Variants in DMC1 observed in about 807,000 individuals in gnomAD.
DMC1 encodes the protein DNA meiotic recombinase 1.
DMC1 carries 27 observed loss-of-function variants against 50.1 expected under a neutral mutation model. That is an observed-to-expected ratio of 0.54 (90% CI 0.40 to 0.74). The LOEUF is 0.74. DMC1 is among the 30% of genes least tolerant of loss of function. The pLI is 0.00. For synonymous variants in DMC1, 148 were observed against 136.1 expected, an observed-to-expected ratio of 1.09 and a Z score of -0.61; for missense variants, 295 against 420.2, an observed-to-expected ratio of 0.70 and a Z score of 2.60.
intron 7 of DMC1, 43 bp from the exon 8 acceptor site, chr22:38,550,040 C>A: frequency 7.1e-7 from 1 of 1,400,890 alleles, no homozygotes; most frequent in Non-Finnish European, 1.0e-6. Context: ...AGTGAATAAA[C>A]TTTGTACACA....
chr22:38,536,190 T>G (rs1376182149), intron 12 of DMC1, among the ~76,000 whole-genome samples: 2 of 151,700 alleles, frequency 1.3e-5, no homozygotes, highest in African/African-American at 4.8e-5. Context: ...CATTGCAGCT[T>G]GGGTGACAGA....
At chr22:38,553,446 C>T (rs62228936) in intron 6 of DMC1, among the ~76,000 whole-genome samples, 6,641 of 144,038 alleles carry the variant, frequency 0.046, 264 homozygotes, top group East Asian at 0.11. Flanking sequence ...TGCAGTGAGC[C>T]GAGATCGCGC....
At chr22:38,568,451 TTGTGTGTGTGTG>T in intron 1 of DMC1, 162 bp from the exon 2 acceptor site, 1 of 591,432 alleles carries the variant, frequency 1.7e-6, no homozygotes, top group Non-Finnish European at 3.0e-6. Context: ...ACATTATTTC[TTGTGTGTGTGTG>T]TGTGTGTGTG....
At chr22:38,545,607 G>A (rs1388837336) in intron 8 of DMC1, among the ~76,000 whole-genome samples, 1 of 152,052 alleles carries the variant, frequency 6.6e-6, no homozygotes, top group Non-Finnish European at 1.5e-5. Context: ...ATTTTTAGTA[G>A]AGACAGGGTT....
chr22:38,510,429 T>G, the DMC1 span, among the ~76,000 whole-genome samples: 279 of 152,260 alleles, frequency 1.8e-3, 1 homozygote, highest in Non-Finnish European at 2.6e-3. Context: ...CACTCCAACC[T>G]GAGCGACAGA....
chr22:38,524,782 T>G (rs1233838126), intron 12 of DMC1, among the ~76,000 whole-genome samples: 1 of 152,100 alleles, frequency 6.6e-6, no homozygotes, highest in African/African-American at 2.4e-5. Context: ...CTGTATTCTT[T>G]TATTAAAGCA....
At chr22:38,511,003 A>T in the DMC1 span, among the ~76,000 whole-genome samples, 10 of 152,196 alleles carry the variant, frequency 6.6e-5, no homozygotes, top group African/African-American at 2.2e-4. Flanking sequence ...GCATGGTGGC[A>T]TGTGCCTATA....
chr22:38,551,066 C>T (rs755278871), intron 7 of DMC1, among the ~76,000 whole-genome samples: 6 of 150,094 alleles, frequency 4.0e-5, no homozygotes, highest in Non-Finnish European at 8.9e-5. Flanking sequence ...CATGGTGAAA[C>T]CCCATCTCTA....
intron 10 of DMC1, 62 bp downstream of exon 10, chr22:38,538,477 A>T (rs998431755): frequency 1.2e-6 from 2 of 1,603,912 alleles, no homozygotes; most frequent in Non-Finnish European, 1.7e-6. Flanking sequence ...TTGAATAGAG[A>T]TCAATAGAAG....
rs111317680 is a variant in DMC1 at position 38,521,538 on chromosome 22, TACACACACACAC to T, written c.953+58_953+69del. 2.5e-3 allele frequency: 1,578 copies of T among 642,892 alleles called. 2 individuals carry two copies. Among genetic ancestry groups the T allele is most frequent in the East Asian group, 0.017 (421 of 24,956 alleles). The allele number at this position is 642,892 out of a possible 1,614,324, so 39.8% of individuals were successfully genotyped here. On this transcript the variant is annotated intron_variant, in intron 13 of 13. Transcript: ENST00000216024. ...GGGCAACATGGCAAAACCCCGTCTC[TACACACACACAC>T]ACACACACACACACACACACACACA...
At chr22:38,510,198 A>C in the DMC1 span, among the ~76,000 whole-genome samples, 1 of 152,048 alleles carries the variant, frequency 6.6e-6, no homozygotes, top group Non-Finnish European at 1.5e-5. Flanking sequence ...TGACGCCTGT[A>C]ATCTCAGCAC....
intron 12 of DMC1, 69 bp from the exon 13 acceptor site, chr22:38,521,793 G>T: frequency 9.2e-7 from 1 of 1,084,706 alleles, no homozygotes; most frequent in Non-Finnish European, 1.4e-6. Flanking sequence ...GCAATTACAA[G>T]GCAATCTTTC....
At chr22:38,535,598 T>TA (rs539378604) in intron 12 of DMC1, among the ~76,000 whole-genome samples, 11 of 151,830 alleles carry the variant, frequency 7.2e-5, no homozygotes, top group Admixed American at 1.3e-4. Flanking sequence ...TAAAAACCTT[T>TA]AAAAAAATCT....
chr22:38,559,518 G>A (rs2145986607), intron 5 of DMC1, among the ~76,000 whole-genome samples: 1 of 152,250 alleles, frequency 6.6e-6, no homozygotes, highest in Non-Finnish European at 1.5e-5. Context: ...AGTGTGCGCT[G>A]TGACTCTTCA....
intron 8 of DMC1, among the ~76,000 whole-genome samples, chr22:38,543,537 ATTG>A (rs2090310357): frequency 6.6e-6 from 1 of 152,230 alleles, no homozygotes; most frequent in Non-Finnish European, 1.5e-5. Context: ...CTGCCTGTAA[ATTG>A]TTAAGTACAA....
chr22:38,569,704 C>A (rs1180530843), intron 1 of DMC1, among the ~76,000 whole-genome samples: 2 of 152,246 alleles, frequency 1.3e-5, no homozygotes, highest in African/African-American at 4.8e-5. Context: ...GACGACCCAG[C>A]TGTCCCCTCT....
intron 1 of DMC1, 173 bp from the exon 2 acceptor site, chr22:38,568,462 T>C (rs2090604243): frequency 5.0e-6 from 3 of 604,396 alleles, no homozygotes; most frequent in Non-Finnish European, 8.8e-6. Flanking sequence ...TGTGTGTGTG[T>C]GTGTGTGTGT....
At chr22:38,533,354 C>T (rs375275828) in intron 12 of DMC1, among the ~76,000 whole-genome samples, 115 of 147,674 alleles carry the variant, frequency 7.8e-4, no homozygotes, top group African/African-American at 2.9e-3. Flanking sequence ...CGAGATCGCG[C>T]CATTGCACTT....
At chr22:38,569,666 A>C (rs887482732) in intron 1 of DMC1, among the ~76,000 whole-genome samples, 1 of 152,230 alleles carries the variant, frequency 6.6e-6, no homozygotes, top group African/African-American at 2.4e-5. Context: ...TTGGATTGAA[A>C]GTAGGGCTCC....
Sources: allele counts gnomAD v4.1 joint callset (sites outside exome capture counted in the v4.1 genomes callset), GRCh38; gene constraint gnomAD v4.1.1; transcripts MANE v1.5; gene names NCBI Gene and HGNC (gene_info 2026-07-23, HGNC 2026-07-21).